NBEA: variants seen among roughly 807,000 people sequenced by gnomAD.
The protein encoded by NBEA is lysosomal-trafficking regulator 2.
Under a neutral mutation model 343.4 loss-of-function variants are expected in NBEA, and 44 were observed. The ratio of observed to expected loss-of-function variants is 0.13; its 90% CI spans 0.10 to 0.16. NBEA has a LOEUF of 0.16. NBEA is among the 10% of genes least tolerant of loss of function. NBEA has a pLI of 1.00. For synonymous variants in NBEA, 1,175 were observed against 1,238.7 expected (o/e 0.95, Z 1.08); for missense variants, 2,555 against 3,631.3 (o/e 0.70, Z 7.62).
intron 1 of NBEA, among the ~76,000 whole-genome samples, chr13:35,021,011 T>C (rs1343935966): frequency 2.6e-5 from 4 of 152,232 alleles, no homozygotes; most frequent in African/African-American, 9.6e-5. Flanking sequence ...CTGTGCCTTC[T>C]TGATGAATTG....
chr13:35,190,412 A>G (rs2072096265), intron 30 of NBEA, among the ~76,000 whole-genome samples: 2 of 152,084 alleles, frequency 1.3e-5, no homozygotes, highest in Admixed American at 6.6e-5. Flanking sequence ...ACAAGAAGGA[A>G]GCGCAGGCTA....
At chr13:35,270,217 A>C (rs189323753) in intron 34 of NBEA, among the ~76,000 whole-genome samples, 1 of 152,206 alleles carries the variant, frequency 6.6e-6, no homozygotes, top group Non-Finnish European at 1.5e-5. Flanking sequence ...CAACCTCCAC[A>C]TAGAGAAATT....
intron 30 of NBEA, among the ~76,000 whole-genome samples, chr13:35,193,468 T>C (rs2072348991): frequency 1.3e-5 from 2 of 151,888 alleles, no homozygotes; most frequent in African/African-American, 2.4e-5. Flanking sequence ...CTTTCTCAGT[T>C]AGTGACGTAT....
At chr13:35,430,558 T>C (rs947668308) in intron 38 of NBEA, among the ~76,000 whole-genome samples, 1 of 152,222 alleles carries the variant, frequency 6.6e-6, no homozygotes, top group Non-Finnish European at 1.5e-5. Context: ...TGTTATCTTC[T>C]AGAATTTGTA....
At chr13:35,224,066 T>C (rs1032547169) in intron 33 of NBEA, among the ~76,000 whole-genome samples, 5 of 152,194 alleles carry the variant, frequency 3.3e-5, no homozygotes, top group Non-Finnish European at 7.4e-5. Flanking sequence ...TTAGTAATAA[T>C]GCATCCAGTT....
chr13:35,609,961 TTAGGAG>T (rs1566404105), intron 48 of NBEA, among the ~76,000 whole-genome samples: 4 of 152,160 alleles, frequency 2.6e-5, no homozygotes, highest in Admixed American at 2.6e-4. Context: ...ATATCTCTTC[TTAGGAG>T]TACGTCTGCA....
At chr13:35,610,023 T>G (rs554228773) in intron 48 of NBEA, among the ~76,000 whole-genome samples, 2 of 152,356 alleles carry the variant, frequency 1.3e-5, no homozygotes, top group East Asian at 3.9e-4. Flanking sequence ...ACTAAGTGAT[T>G]GGTCAAATGC....
At chr13:35,398,166 A>G (rs182953542) in intron 38 of NBEA, among the ~76,000 whole-genome samples, 1 of 152,176 alleles carries the variant, frequency 6.6e-6, no homozygotes, top group Non-Finnish European at 1.5e-5. Flanking sequence ...TTCTTTGTTC[A>G]TAAGAAGCAA....
At chr13:35,312,780 T>G (rs926438574) in intron 36 of NBEA, among the ~76,000 whole-genome samples, 1 of 152,138 alleles carries the variant, frequency 6.6e-6, no homozygotes, top group Admixed American at 6.5e-5. Flanking sequence ...TCAAGGATAT[T>G]TTGATGTCAG....
intron 49 of NBEA, among the ~76,000 whole-genome samples, chr13:35,633,572 A>G (rs2083563975): frequency 6.6e-6 from 1 of 151,826 alleles, no homozygotes; most frequent in Non-Finnish European, 1.5e-5. Context: ...GAATGATATT[A>G]TAAGTTGTAT....
At chr13:35,658,983 TCA>T (rs1218027509) in intron 55 of NBEA, among the ~76,000 whole-genome samples, 1 of 152,192 alleles carries the variant, frequency 6.6e-6, no homozygotes, top group African/African-American at 2.4e-5. Context: ...ATCAGAAAAC[TCA>T]CAATGTGAAA....
intron 36 of NBEA, among the ~76,000 whole-genome samples, chr13:35,329,481 T>C (rs924317404): frequency 6.6e-6 from 1 of 151,940 alleles, no homozygotes; most frequent in Non-Finnish European, 1.5e-5. Context: ...TTATCATCCA[T>C]CATTATAAGG....
chr13:35,467,322 A>T (rs1335971919), intron 40 of NBEA, among the ~76,000 whole-genome samples: 1 of 152,052 alleles, frequency 6.6e-6, no homozygotes, highest in Non-Finnish European at 1.5e-5. Flanking sequence ...AAATACAAAA[A>T]TTAGCTGGGC....
intron 48 of NBEA, among the ~76,000 whole-genome samples, chr13:35,610,638 A>G (rs1413312495): frequency 1.3e-5 from 2 of 152,216 alleles, no homozygotes; most frequent in Non-Finnish European, 2.9e-5. Flanking sequence ...TTGTGACTTT[A>G]TGTTAGCAAA....
chr13:35,167,102 T>C (rs1422305815), intron 24 of NBEA, among the ~76,000 whole-genome samples: 1 of 152,036 alleles, frequency 6.6e-6, no homozygotes, highest in African/African-American at 2.4e-5. Context: ...GGAATAATAA[T>C]GGTTTATGGC....
At chr13:35,036,015 G>A (rs780560602) in intron 1 of NBEA, among the ~76,000 whole-genome samples, 40 of 152,046 alleles carry the variant, frequency 2.6e-4, no homozygotes, top group Non-Finnish European at 5.0e-4. Context: ...TACATTCAAT[G>A]TTATTATTAA....
At chr13:35,313,776 A>G (rs1385061612) in intron 36 of NBEA, among the ~76,000 whole-genome samples, 1 of 152,154 alleles carries the variant, frequency 6.6e-6, no homozygotes, top group African/African-American at 2.4e-5. Context: ...TGAAAAAGTG[A>G]TGATTTACCT....
intron 48 of NBEA, among the ~76,000 whole-genome samples, chr13:35,613,099 A>G (rs1479709559): frequency 1.3e-5 from 2 of 149,466 alleles, no homozygotes; most frequent in East Asian, 3.9e-4. Context: ...TTACATATAT[A>G]TATAAATAAT....
At chr13:35,125,983 A>G (rs1026581627) in intron 17 of NBEA, among the ~76,000 whole-genome samples, 4 of 151,838 alleles carry the variant, frequency 2.6e-5, no homozygotes, top group African/African-American at 9.7e-5. Context: ...AGCAAGATCC[A>G]TATCTGGAAA....
Sources: gnomAD v4.1 joint callset for allele counts (sites outside exome capture counted in the v4.1 genomes callset) on GRCh38, gnomAD v4.1.1 for gene constraint, MANE v1.5 for transcripts, NCBI Gene and HGNC (gene_info 2026-07-23, HGNC 2026-07-21) for gene names.